GLB1L: variants seen among roughly 807,000 people sequenced by gnomAD.
GLB1L encodes galactosidase beta 1 like.
GLB1L carries 58 observed loss-of-function variants against 75.7 expected under a neutral mutation model. The observed-to-expected ratio is 0.77, with a 90% CI of 0.62 to 0.95. The LOEUF is 0.95. Among genes scored for constraint, GLB1L ranks in the 40% least tolerant of loss-of-function variants. The pLI is 0.00. For missense variants in GLB1L, 797 were observed against 805.5 expected, an observed-to-expected ratio of 0.99 and a Z score of 0.13; for synonymous variants, 296 against 303.0, an observed-to-expected ratio of 0.98 and a Z score of 0.24.
rs1951325010 is a variant in GLB1L at position 219,239,164 on chromosome 2, G to T, written c.990C>A (p.Asp330Glu). 2 of 1,613,976 alleles carry T rather than the reference G, an allele frequency of 1.2e-6. No individual in the cohort carries two copies. Among genetic ancestry groups the T allele is most frequent in the Admixed American group, 1.7e-5 (1 of 59,968 alleles). ...CTGCTTCAGATATAGGTGCATCATA[G>T]TCATAGCTGGTAGTAATCGGAAGGA... ...GRFLPITTSY[D>E]YDAPISEAGD... Residue 330 changes from aspartate to glutamate, a missense_variant, in exon 11 of 17, where the codon GAC becomes GAA. Coordinates refer to ENST00000295759, the MANE Select transcript of GLB1L (RefSeq NM_001286423.2).
In GLB1L at chr2:219,243,158, C is replaced by T. The variant is rs766809063; in HGVS notation, c.229G>A (p.Ala77Thr). 1.9e-6 allele frequency: 3 copies of T among 1,609,258 alleles called. No homozygotes were observed. Among genetic ancestry groups the T allele is most frequent in the Non-Finnish European group, 2.5e-6 (3 of 1,177,672 alleles). The change falls in exon 3 of 17, where the codon GCC (alanine) becomes ACC (threonine). Residue 77 changes from alanine (A) to threonine (T), a missense_variant. Transcript: ENST00000295759. ...GCGAGCACTTCTTACAACTGTATGG[C>T]GTTGAGGCCGCTCCATCGCATCTTC... ...LLKMRWSGLN[A>T]IQFYVPWNYH...
rs1179845260 is a variant in GLB1L at position 219,239,458 on chromosome 2, TGA to T, written c.903-9_903-8del. 2 of 1,608,978 alleles carry T rather than the reference TGA, an allele frequency of 1.2e-6. No homozygotes were observed. Among genetic ancestry groups the T allele is most frequent in the African/African-American group, 1.3e-5 (1 of 74,948 alleles). ...ACCTCCATGGAACATGTACCTGAAG[TGA>T]GAGAGGGTGGGGGAACAGGTAAAAG... On this transcript the variant is annotated splice_region_variant and splice_polypyrimidine_tract_variant and intron_variant, in intron 9 of 16. Coordinates refer to ENST00000295759, the MANE Select transcript of GLB1L (RefSeq NM_001286423.2).
chr2:219,245,014 T>A (rs1427857051), intron 1 of GLB1L, among the ~76,000 whole-genome samples: 1 of 152,228 alleles, frequency 6.6e-6, no homozygotes, highest in East Asian at 1.9e-4. Context: ...GCTAGCATGC[T>A]ATTAACACTC....
At chr2:219,242,673 A>G (rs1034193426) in intron 4 of GLB1L, 95 bp downstream of exon 4, 15 of 1,541,076 alleles carry the variant, frequency 9.7e-6, no homozygotes, top group South Asian at 1.1e-5. Context: ...GGAATTGAAT[A>G]TAGTGCTGGA....
chr2:219,237,234 TTTG>T lies in GLB1L; in HGVS notation c.1800_1802del (p.Asn600del), dbSNP rs771935064. 14 of 1,614,146 alleles carry T rather than the reference TTTG, an allele frequency of 8.7e-6. No individual in the cohort carries two copies. The African/African-American group carries it at 1.6e-4, about 18-fold the overall frequency. On this transcript the variant is annotated inframe_deletion, in exon 17 of 17. Coordinates refer to ENST00000295759, the MANE Select transcript of GLB1L (RefSeq NM_001286423.2). The stretch of plus-strand genomic sequence containing the variant: ...CATCTTCTAGTTCCAGCAATGTAAT[TTTG>T]TTGAGGGCTCCCCTAGGAAACAGCA...
At chr2:219,243,700 T>G in intron 1 of GLB1L, 57 bp from the exon 2 acceptor site, 1 of 859,362 alleles carries the variant, frequency 1.2e-6, no homozygotes. Context: ...AGCCTGGACT[T>G]CCTCTCCAGC....
rs563136274 is a variant in GLB1L at position 219,236,979 on chromosome 2, T to C, written c.*93A>G. ...CGGGGTTTCACCATGTTGGCCAGGC[T>C]GGTCTTGAAGTCCTGACCTCAGGTA... On this transcript the variant is annotated 3_prime_UTR_variant, in exon 17 of 17. Transcript: ENST00000295759. 72 of 881,388 alleles carry C rather than the reference T, an allele frequency of 8.2e-5. No individual in the cohort carries two copies. In the African/African-American group the frequency reaches 1.1e-3, roughly 13 times the overall value. 54.6% of individuals were successfully genotyped at this position (881,388 alleles called of 1,614,324 possible). A position where few individuals can be genotyped will look rare whatever the true frequency, so the allele number is the denominator to read the frequency against.
chr2:219,240,031 G>T lies in GLB1L; in HGVS notation c.610C>A (p.Leu204Ile). ...TTTTCTCCTAGCAGTGCACGGAAGA[G>T]CCCAGCCAAGTGCCTCATGTAGCTG... ...DFSYMRHLAG[L>I]FRALLGEKIL... is the part of the protein sequence containing the mutation. The change falls in exon 7 of 17, where the codon CTC (leucine) becomes ATC (isoleucine). Residue 204 changes from leucine to isoleucine, a missense_variant. Coordinates refer to ENST00000295759, the MANE Select transcript of GLB1L (RefSeq NM_001286423.2). 1 of 1,614,030 alleles carries T rather than the reference G, an allele frequency of 6.2e-7. No individual in the cohort carries two copies.
chr2:219,242,542 A>T lies in GLB1L; in HGVS notation c.423T>A (p.Pro141=). ...GGLPSWLLRK[P]EIHLRTSDPD... ...GATCTGAGGTTCTTAGATGAATTTC[A>T]GGTTTTCGAAGCAACCAGGATGGGA... Residue 141 remains proline (P), a synonymous_variant, in exon 5 of 17, where the codon CCT becomes CCA. Coordinates refer to ENST00000295759, the MANE Select transcript of GLB1L (RefSeq NM_001286423.2). 5.6e-6 allele frequency: 9 copies of T among 1,613,568 alleles called. No individual in the cohort carries two copies. The highest frequency in any genetic ancestry group is 7.6e-6 in the Non-Finnish European group (9 of 1,179,514).
Position 219,239,924 on chromosome 2 carries a change from G to A in GLB1L, c.717C>T (p.Gly239=), listed in dbSNP as rs770336668. Reference sequence around the variant, plus strand: ...CTCCCAGCCCTTGCTTGAGACCTGGGCCAAAATCTACAGTGGTATAGAGTC... The same window carrying A: ...CTCCCAGCCCTTGCTTGAGACCTGGACCAAAATCTACAGTGGTATAGAGTC... ...LRGLYTTVDF[G]PADNMTKIFT... The change falls in exon 7 of 17, where the codon GGC becomes GGT. Residue 239 remains glycine, a synonymous_variant. Transcript: ENST00000295759. 6.2e-7 allele frequency: 1 copy of A among 1,614,124 alleles called. No homozygotes were observed.
rs5838728 is a variant in GLB1L, at chr2:219,236,760, C to CT, written c.*311dup. ...CTCCATGTCCCAGGTCCAAGGGTTA[C>CT]TTTTTTTTTTTTTTTTTTTTTTGAG... On this transcript the variant is annotated 3_prime_UTR_variant, in exon 17 of 17. Transcript: ENST00000295759. 0.76 allele frequency: 95,970 copies of CT among 125,532 alleles called. 40,479 individuals are homozygous for CT. Among genetic ancestry groups the CT allele is most frequent in the Non-Finnish European group, 0.8 (55,722 of 70,028 alleles). 7.8% of individuals were successfully genotyped at this position (125,532 alleles called of 1,614,324 possible).
At chr2:219,238,843 CTA>C in intron 11 of GLB1L, 64 bp from the exon 12 acceptor site, 1 of 1,431,638 alleles carries the variant, frequency 7.0e-7, no homozygotes, top group Non-Finnish European at 9.7e-7. Context: ...TTCCAAGACT[CTA>C]GGGCAGAGTT....
intron 5 of GLB1L, among the ~76,000 whole-genome samples, chr2:219,240,756 ACAAAAATGGTGGTATAT>A (rs1212252042): frequency 2.0e-5 from 3 of 148,686 alleles, no homozygotes; most frequent in Non-Finnish European, 4.5e-5. Context: ...AAACAAACAA[ACAAAAATGGTGGTATAT>A]GGGGAGACTA....
In GLB1L at chr2:219,238,269, G is replaced by C. The variant is rs761153258; in HGVS notation, c.1322C>G (p.Ala441Gly). 1.2e-4 allele frequency: 186 copies of C among 1,607,198 alleles called. No individual in the cohort carries two copies. The highest frequency in any genetic ancestry group is 1.5e-4 in the Non-Finnish European group (176 of 1,176,310). Reference protein sequence around the residue: ...WVPNNGVHDRAYVMVDGVFQG... With the variant: ...WVPNNGVHDRGYVMVDGVFQG... The stretch of plus-strand genomic sequence containing the variant: ...TCTCACCCCATCCACCATCACATAG[G>C]CACGGTCATGGACTCCATTATTTGG... Residue 441 changes from alanine (A) to glycine (G), a missense_variant, in exon 14 of 17, where the codon GCC becomes GGC. Coordinates refer to ENST00000295759, the MANE Select transcript of GLB1L (RefSeq NM_001286423.2).
rs745984815 is a variant in GLB1L at position 219,243,282 on chromosome 2, AC to A, written c.104del (p.Gly35ValfsTer7). On this transcript the variant is annotated frameshift_variant, in exon 3 of 17. Transcript: ENST00000295759. LOFTEE classifies it high-confidence loss of function. ...CCCCGTCTAGGAGAAACCGGTCATGACCCCTATCCACTACGAACGACCGAGT... is the reference window on the plus strand; with the variant it reads ...CCCCGTCTAGGAGAAACCGGTCATGACCCTATCCACTACGAACGACCGAGT... Reference protein sequence around the residue: ...ADTRSFVVDRGHDRFLLDGAP... With the variant: ...ADTRSFVVDRXHDRFLLDGAP... The A allele has an allele frequency of 1.7e-5, 28 of 1,606,716 alleles. No homozygotes were observed. The highest frequency in any genetic ancestry group is 2.4e-5 in the Non-Finnish European group (28 of 1,175,572).
chr2:219,243,192 G>C lies in GLB1L; in HGVS notation c.195C>G (p.Asp65Glu), dbSNP rs374740880. The C allele has an allele frequency of 1.7e-4, 281 of 1,613,610 alleles. No individual in the cohort carries two copies. Among genetic ancestry groups the C allele is most frequent in the Non-Finnish European group, 2.3e-4 (272 of 1,179,842 alleles). The part of the protein sequence containing the change: ...YFRVPRVLWA[D>E]RLLKMRWSGL... The stretch of plus-strand genomic sequence containing the variant: ...CGCTCCATCGCATCTTCAAAAGCCG[G>C]TCGGCCCAAAGCACCCGCGGTACCC... Residue 65 changes from aspartate to glutamate, a missense_variant, in exon 3 of 17, where the codon GAC (aspartate) becomes GAG (glutamate). By Grantham distance (45) the Asp-to-Glu change is conservative (BLOSUM62 2). Coordinates refer to ENST00000295759, the MANE Select transcript of GLB1L (RefSeq NM_001286423.2).
Position 219,238,724 on chromosome 2 carries a change from C to G in GLB1L, c.1118G>C (p.Gly373Ala). 1.2e-6 allele frequency: 2 copies of G among 1,614,000 alleles called. No individual in the cohort carries two copies. The highest frequency in any genetic ancestry group is 1.7e-6 in the Non-Finnish European group (2 of 1,179,966). ...ACTTACCAGGTGCAGAGTCACAGGT[C>G]CAAGCATCATCTTGGGGCTCGGGGG... ...LPPPSPKMML[G>A]PVTLHLVGHL... Residue 373 changes from glycine (G) to alanine (A), a missense_variant, in exon 12 of 17, where the codon GGA becomes GCA. Coordinates refer to ENST00000295759, the MANE Select transcript of GLB1L (RefSeq NM_001286423.2).
chr2:219,242,644 A>G (rs755276583), intron 4 of GLB1L, 70 bp from the exon 5 acceptor site: 94 of 1,536,790 alleles, frequency 6.1e-5, no homozygotes, highest in Non-Finnish European at 8.1e-5. Flanking sequence ...GAAGCTAGGA[A>G]GGGAAGGAAG....
At chr2:219,241,541 G>T (rs10211319) in intron 5 of GLB1L, among the ~76,000 whole-genome samples, 1 of 147,898 alleles carries the variant, frequency 6.8e-6, no homozygotes, top group Non-Finnish European at 1.5e-5. Flanking sequence ...TTCTGCAGGA[G>T]GCTTGTGATG....
Sources: allele counts gnomAD v4.1 joint callset (sites outside exome capture counted in the v4.1 genomes callset), GRCh38; gene constraint gnomAD v4.1.1; transcripts MANE v1.5; gene names NCBI Gene and HGNC (gene_info 2026-07-23, HGNC 2026-07-21).